Variants in CTNNA3 observed in about 807,000 individuals in gnomAD.
CTNNA3 encodes the protein catenin alpha-3.
CTNNA3 carries 76 observed loss-of-function variants against 95.7 expected under a neutral mutation model. The observed-to-expected ratio is 0.79, with a 90% CI of 0.66 to 0.96. CTNNA3 has a LOEUF of 0.96. Ranked by LOEUF, CTNNA3 falls within the 40% of genes least tolerant of loss-of-function variation. The pLI is 0.00. For missense variants in CTNNA3, 1,191 were observed against 1,089.8 expected, an observed-to-expected ratio of 1.09 and a Z score of -1.31; for synonymous variants, 431 against 374.4, an observed-to-expected ratio of 1.15 and a Z score of -1.74.
At chr10:67,133,328 T>TTTATTTATATATATATATATATTTATAC (rs1554928689) in intron 7 of CTNNA3, among the ~76,000 whole-genome samples, 7 of 105,326 alleles carry the variant, frequency 6.6e-5, no homozygotes, top group African/African-American at 1.8e-4. Flanking sequence ...TATATATTTA[T>TTTATTTATATATATATATATATTTATAC]ACACACACAC....
At chr10:66,214,832 C>T (rs12256826) in intron 13 of CTNNA3, among the ~76,000 whole-genome samples, 36,151 of 151,758 alleles carry the variant, frequency 0.24, 7,390 homozygotes, top group African/African-American at 0.56. Context: ...TGAAAAATGC[C>T]AGGTGGCTGC....
chr10:67,576,710 C>T (rs12266377), intron 3 of CTNNA3, among the ~76,000 whole-genome samples: 1 of 100,550 alleles, frequency 9.9e-6, no homozygotes, highest in Non-Finnish European at 1.8e-5. Context: ...CCCCCTCCCC[C>T]CACCCCACAA....
intron 9 of CTNNA3, among the ~76,000 whole-genome samples, chr10:66,630,559 G>C (rs764041300): frequency 9.2e-5 from 14 of 152,148 alleles, no homozygotes; most frequent in Non-Finnish European, 1.6e-4. Context: ...GTTGGCAAGT[G>C]TGGCAGATGG....
chr10:67,468,358 G>A (rs1847681919), intron 5 of CTNNA3, among the ~76,000 whole-genome samples: 2 of 150,874 alleles, frequency 1.3e-5, no homozygotes, highest in South Asian at 4.2e-4. Context: ...GCAAGACCCT[G>A]TTCCTTTTAA....
chr10:66,209,594 GGA>G (rs1306562826), intron 13 of CTNNA3, among the ~76,000 whole-genome samples: 3 of 151,954 alleles, frequency 2.0e-5, no homozygotes, highest in African/African-American at 7.3e-5. Context: ...GGAAGTTAAT[GGA>G]ATAAACAAAA....
intron 7 of CTNNA3, among the ~76,000 whole-genome samples, chr10:67,147,161 T>C (rs1301830907): frequency 6.6e-6 from 1 of 152,194 alleles, no homozygotes; most frequent in African/African-American, 2.4e-5. Context: ...AAATCATAAA[T>C]TGACCCTGTT....
At chr10:67,755,834 A>G (rs1018566086) in intron 1 of CTNNA3, among the ~76,000 whole-genome samples, 3 of 151,634 alleles carry the variant, frequency 2.0e-5, no homozygotes, top group Non-Finnish European at 4.4e-5. Context: ...AAAGAAAGAA[A>G]GAAAAGAAAA....
rs117323251 is a variant in CTNNA3 at position 67,619,820 on chromosome 10, T to A, written c.100-12771A>T. Reference sequence around the variant, plus strand: ...TCAAGACTTTGAAAGAAAATTGTTTTATGAGCTCCCCTGCACAAAACTTCA... The same window carrying A: ...TCAAGACTTTGAAAGAAAATTGTTTAATGAGCTCCCCTGCACAAAACTTCA... On this transcript the variant is annotated intron_variant, in intron 2 of 17. Coordinates refer to ENST00000433211, the MANE Select transcript of CTNNA3 (RefSeq NM_013266.4). 7.7e-3 allele frequency among the ~76,000 whole-genome samples: 1,177 copies of A among 152,268 alleles called. 7 individuals carry two copies. The highest frequency in any genetic ancestry group is 9.2e-3 in the Non-Finnish European group (629 of 68,026).
rs1589435954 is a variant in CTNNA3, at chr10:66,927,627, G to A, written c.1048-152103C>T. 16 of 1,614,166 alleles carry A rather than the reference G, an allele frequency of 9.9e-6. No individual in the cohort carries two copies. Among genetic ancestry groups the A allele is most frequent in the African/African-American group, 1.3e-5 (1 of 75,030 alleles). On this transcript the variant is annotated intron_variant, in intron 7 of 17. Coordinates refer to ENST00000433211, the MANE Select transcript of CTNNA3 (RefSeq NM_013266.4). This position sits in a 1 kb window ranked among gnomAD's most constrained non-coding sequence, Gnocchi z 4.7. ...TCAGCCTTCAGAACCTTTACTTGCA[G>A]TGGAATAAAATCAGTGTCATAGGAC...
At chr10:67,703,599 T>A (rs1456229030) in intron 1 of CTNNA3, among the ~76,000 whole-genome samples, 3 of 152,152 alleles carry the variant, frequency 2.0e-5, no homozygotes, top group Admixed American at 1.3e-4. Context: ...AAACTCTCAA[T>A]AAATTAGGTA....
intron 9 of CTNNA3, among the ~76,000 whole-genome samples, chr10:66,739,257 C>T (rs1849248941): frequency 6.6e-6 from 1 of 152,092 alleles, no homozygotes; most frequent in Non-Finnish European, 1.5e-5. Flanking sequence ...AAAAACAAAA[C>T]AAAACAGATT....
intron 13 of CTNNA3, among the ~76,000 whole-genome samples, chr10:66,275,454 G>A (rs537425765): frequency 1.3e-5 from 2 of 152,058 alleles, no homozygotes; most frequent in African/African-American, 2.4e-5. Context: ...CATCATCTTG[G>A]GAAACACTGT....
At chr10:67,265,206 A>G (rs1453411996) in intron 5 of CTNNA3, among the ~76,000 whole-genome samples, 4 of 152,170 alleles carry the variant, frequency 2.6e-5, no homozygotes, top group Non-Finnish European at 4.4e-5. Flanking sequence ...AAACTCAACC[A>G]TTCATCCTTA....
At chr10:67,581,681 C>T (rs1173640932) in intron 3 of CTNNA3, among the ~76,000 whole-genome samples, 2 of 152,056 alleles carry the variant, frequency 1.3e-5, no homozygotes, top group East Asian at 1.9e-4. Context: ...TGTGAATCTG[C>T]CTGGTCCTGG....
At chr10:66,651,147 G>T (rs1339358657) in intron 9 of CTNNA3, among the ~76,000 whole-genome samples, 2 of 152,160 alleles carry the variant, frequency 1.3e-5, no homozygotes. Context: ...CCGTGAGCTA[G>T]ACAAAGAGTG....
At chr10:66,830,777 T>A (rs1842691317) in intron 7 of CTNNA3, among the ~76,000 whole-genome samples, 1 of 151,880 alleles carries the variant, frequency 6.6e-6, no homozygotes, top group African/African-American at 2.4e-5. Context: ...GCCCGGCTAA[T>A]TTTTTGTATT....
intron 11 of CTNNA3, among the ~76,000 whole-genome samples, chr10:66,403,615 G>T (rs2132567744): frequency 6.6e-6 from 1 of 152,214 alleles, no homozygotes; most frequent in East Asian, 1.9e-4. Flanking sequence ...TACAATTCAA[G>T]ACGTAATTTG....
At chr10:66,770,898 T>G (rs1398519730) in intron 8 of CTNNA3, among the ~76,000 whole-genome samples, 1 of 152,082 alleles carries the variant, frequency 6.6e-6, no homozygotes, top group Non-Finnish European at 1.5e-5. Flanking sequence ...AAAAGCCATT[T>G]TAATTTAAAT....
At chr10:66,382,306 G>T (rs933514884) in intron 11 of CTNNA3, among the ~76,000 whole-genome samples, 2 of 152,170 alleles carry the variant, frequency 1.3e-5, no homozygotes, top group Non-Finnish European at 2.9e-5. Context: ...TGGGTCCCAT[G>T]CCCATGGAGC....
Sources: allele counts gnomAD v4.1 joint callset (sites outside exome capture counted in the v4.1 genomes callset), GRCh38; gene constraint gnomAD v4.1.1; non-coding constraint Gnocchi (gnomAD v3.1); transcripts MANE v1.5; gene names NCBI Gene and HGNC (gene_info 2026-07-23, HGNC 2026-07-21).